Variants in CDH13 observed in about 807,000 individuals in gnomAD.
The protein encoded by CDH13 is cadherin 13.
A neutral mutation model predicts 63.8 loss-of-function variants in CDH13; 24 were observed. That is an observed-to-expected ratio of 0.38 (90% CI 0.27 to 0.53). The LOEUF (loss-of-function observed/expected upper bound fraction) is 0.53. CDH13 is among the 20% of genes least tolerant of loss of function. The pLI is 0.85. For missense variants in CDH13, 1,049 were observed against 903.1 expected (o/e 1.16, Z -2.07); for synonymous variants, 503 against 355.3 (o/e 1.42, Z -4.67).
At chr16:82,936,679 A>G (rs913421299) in intron 2 of CDH13, among the ~76,000 whole-genome samples, 1 of 152,188 alleles carries the variant, frequency 6.6e-6, no homozygotes, top group African/African-American at 2.4e-5. Flanking sequence ...CGTAACGTTC[A>G]TATTGAAACA....
intron 1 of CDH13, among the ~76,000 whole-genome samples, chr16:82,635,436 C>T (rs1179845632): frequency 6.6e-6 from 1 of 152,138 alleles, no homozygotes; most frequent in East Asian, 1.9e-4. Context: ...CACCACACAG[C>T]CAAGGCAGTG....
chr16:82,993,108 G>C (rs1911838855), intron 2 of CDH13, among the ~76,000 whole-genome samples: 1 of 152,098 alleles, frequency 6.6e-6, no homozygotes. Flanking sequence ...TCTTAGGTAG[G>C]TTAATTCAGT....
At chr16:82,909,225 C>T (rs1054194514) in intron 2 of CDH13, among the ~76,000 whole-genome samples, 1 of 150,348 alleles carries the variant, frequency 6.7e-6, no homozygotes, top group African/African-American at 2.5e-5. Flanking sequence ...AGATGTGGAA[C>T]CCACAGAAAC....
rs2090279638 is a variant in CDH13 at position 83,323,239 on chromosome 16, T to TTCC, written c.637-21622_637-21621insCCT. Among the ~76,000 whole-genome samples the TTCC allele has an allele frequency of 3.1e-4, 34 of 110,856 alleles. No individual in the cohort carries two copies. The East Asian group carries it at 3.4e-3, about 11-fold the overall frequency. 72.7% of individuals were successfully genotyped at this position (110,856 alleles called of 152,430 possible). A position where few individuals can be genotyped will look rare whatever the true frequency, so the allele number is the denominator to read the frequency against. On this transcript the variant is annotated intron_variant, in intron 5 of 13. Coordinates refer to ENST00000567109, the MANE Select transcript of CDH13 (RefSeq NM_001257.5). ...CTTTCTTTCTTTCTTTCTTTCTTTCTTTCCTTCCTTCCTTCTTTCCATCTT... is the reference window on the plus strand; with the variant it reads ...CTTTCTTTCTTTCTTTCTTTCTTTCTTCCTTCCTTCCTTCCTTCTTTCCATCTT...
intron 1 of CDH13, among the ~76,000 whole-genome samples, chr16:82,778,590 A>T (rs2035607501): frequency 6.6e-6 from 1 of 151,748 alleles, no homozygotes; most frequent in Non-Finnish European, 1.5e-5. Context: ...AAAAAAAAAA[A>T]AAAGGTCTGC....
chr16:83,025,174 T>C (rs937744512), intron 2 of CDH13, among the ~76,000 whole-genome samples: 1 of 152,234 alleles, frequency 6.6e-6, no homozygotes, highest in Non-Finnish European at 1.5e-5. Context: ...TTTCTGTGTG[T>C]AGGCATGCAT....
intron 2 of CDH13, among the ~76,000 whole-genome samples, chr16:83,002,707 A>T (rs1913067935): frequency 6.6e-6 from 1 of 152,278 alleles, no homozygotes; most frequent in African/African-American, 2.4e-5. Flanking sequence ...ATCATCAGGA[A>T]AGATGCTACT....
intron 6 of CDH13, among the ~76,000 whole-genome samples, chr16:83,463,553 C>T (rs147885670): frequency 3.0e-3 from 461 of 152,308 alleles, no homozygotes; most frequent in African/African-American, 0.011. Context: ...GTAATCCCAG[C>T]GCTTTGGCAG....
In CDH13 at chr16:83,043,490, AGTGTGTGTGTGTGTGT is replaced by A. The variant is rs67312035; in HGVS notation, c.366+11295_366+11310del. Among the ~76,000 whole-genome samples the A allele has an allele frequency of 2.4e-4, 32 of 132,228 alleles. No homozygotes were observed. In the South Asian group the frequency reaches 4.5e-3, roughly 18 times the overall value. The allele number at this position is 132,228 out of a possible 152,430, so 86.7% of individuals were successfully genotyped here. On this transcript the variant is annotated intron_variant, in intron 3 of 13. Coordinates refer to ENST00000567109, the MANE Select transcript of CDH13 (RefSeq NM_001257.5). ...AATTTATATAATAACTGTATATATG[AGTGTGTGTGTGTGTGT>A]GTGTGTGTGTGTGTGTGTGTGTATG... is the stretch of plus-strand genomic sequence containing the variant.
intron 5 of CDH13, among the ~76,000 whole-genome samples, chr16:83,260,884 C>G (rs897947037): frequency 1.3e-5 from 2 of 151,932 alleles, no homozygotes; most frequent in African/African-American, 4.8e-5. Flanking sequence ...TAGCTCATAG[C>G]TCCTAGAACT....
chr16:83,449,436 C>G (rs1234538417), intron 6 of CDH13, among the ~76,000 whole-genome samples: 1 of 152,144 alleles, frequency 6.6e-6, no homozygotes, highest in African/African-American at 2.4e-5. Flanking sequence ...CTTCAGGGCC[C>G]CAGATCCTGT....
chr16:83,548,455 T>G (rs147858436), intron 7 of CDH13, among the ~76,000 whole-genome samples: 105 of 152,260 alleles, frequency 6.9e-4, no homozygotes, highest in African/African-American at 2.5e-3. Context: ...CTGGCCCCAG[T>G]GTCCGTAGCG....
rs777356585 is a variant in CDH13, at chr16:82,713,817, C to CA, written c.45+86683dup. 8.5e-3 allele frequency among the ~76,000 whole-genome samples: 1,196 copies of CA among 140,382 alleles called. 13 individuals are homozygous for CA. The highest frequency in any genetic ancestry group is 0.024 in the South Asian group (107 of 4,508). The allele number at this position is 140,382 out of a possible 152,430, so 92.1% of individuals were successfully genotyped here. A position where few individuals can be genotyped will look rare whatever the true frequency, so the allele number is the denominator to read the frequency against. ...GCTTCTGTATTTGTGAAAAAAAAAACAAACAAAAAAAAAGGAAAACAATAG... is the reference window on the plus strand; with the variant it reads ...GCTTCTGTATTTGTGAAAAAAAAAACAAAACAAAAAAAAAGGAAAACAATAG... On this transcript the variant is annotated intron_variant, in intron 1 of 13. Transcript: ENST00000567109.
At chr16:83,201,301 T>C (rs958092938) in intron 4 of CDH13, among the ~76,000 whole-genome samples, 3 of 152,066 alleles carry the variant, frequency 2.0e-5, no homozygotes, top group South Asian at 2.1e-4. Flanking sequence ...AAATGGTAAA[T>C]AGAGACAACA....
At chr16:82,979,700 A>G (rs1910004883) in intron 2 of CDH13, among the ~76,000 whole-genome samples, 1 of 152,232 alleles carries the variant, frequency 6.6e-6, no homozygotes, top group African/African-American at 2.4e-5. Context: ...ACCCAGTCTT[A>G]GGTATGTCTC....
intron 10 of CDH13, among the ~76,000 whole-genome samples, chr16:83,691,977 A>G (rs554930797): frequency 6.6e-6 from 1 of 152,192 alleles, no homozygotes; most frequent in South Asian, 2.1e-4. Context: ...TATACAGGGG[A>G]AGACAATAAG....
At chr16:83,744,220 G>A (rs1452961096) in intron 10 of CDH13, among the ~76,000 whole-genome samples, 2 of 152,154 alleles carry the variant, frequency 1.3e-5, no homozygotes, top group African/African-American at 2.4e-5. Flanking sequence ...GAGCCGTCAG[G>A]GCCCGTGTTA....
At chr16:82,944,478 T>A (rs1048204582) in intron 2 of CDH13, among the ~76,000 whole-genome samples, 6 of 152,104 alleles carry the variant, frequency 3.9e-5, no homozygotes, top group African/African-American at 1.4e-4. Flanking sequence ...GGAGTGAGGG[T>A]CATGGATTGC....
At chr16:82,879,626 A>T (rs1373450349) in intron 2 of CDH13, among the ~76,000 whole-genome samples, 1 of 140,482 alleles carries the variant, frequency 7.1e-6, no homozygotes. Context: ...ACATAATATA[A>T]AATATCTATT....
Sources: allele counts gnomAD v4.1 joint callset (sites outside exome capture counted in the v4.1 genomes callset), GRCh38; gene constraint gnomAD v4.1.1; transcripts MANE v1.5; gene names NCBI Gene and HGNC (gene_info 2026-07-23, HGNC 2026-07-21).